The following MXI1 variants were observed in gnomAD, a reference collection of about 807,000 sequenced individuals.
MXI1 encodes the protein MAX interactor 1, dimerization protein.
MXI1 carries 18 observed loss-of-function variants against 36.9 expected under a neutral mutation model. The observed-to-expected ratio is 0.49, with a 90% CI of 0.34 to 0.72. The LOEUF is 0.72. Among genes scored for constraint, MXI1 ranks in the 30% least tolerant of loss-of-function variants. The pLI is 0.01. For synonymous variants in MXI1, 160 were observed against 146.7 expected, an observed-to-expected ratio of 1.09 and a Z score of -0.65; for missense variants, 304 against 379.1, an observed-to-expected ratio of 0.80 and a Z score of 1.64.
intron 1 of MXI1, among the ~76,000 whole-genome samples, chr10:110,219,978 G>A (rs1854758038): frequency 6.6e-6 from 1 of 152,132 alleles, no homozygotes; most frequent in Non-Finnish European, 1.5e-5. Flanking sequence ...CCACTGGAAC[G>A]CCCCCAGTCA....
At chr10:110,273,157 C>T (rs559141311) in intron 3 of MXI1, among the ~76,000 whole-genome samples, 1 of 150,814 alleles carries the variant, frequency 6.6e-6, no homozygotes, top group Non-Finnish European at 1.5e-5. Flanking sequence ...AAGCAACTCT[C>T]CTGCTTCGGC....
chr10:110,224,757 C>T (rs771436782), intron 1 of MXI1, among the ~76,000 whole-genome samples: 16 of 151,762 alleles, frequency 1.1e-4, no homozygotes, highest in Non-Finnish European at 1.8e-4. Context: ...AAGCGATTCT[C>T]GTGCCTCAGC....
intron 1 of MXI1, among the ~76,000 whole-genome samples, chr10:110,212,452 A>G (rs1008545740): frequency 3.9e-5 from 6 of 152,162 alleles, no homozygotes; most frequent in Non-Finnish European, 8.8e-5. Flanking sequence ...GAATGCTTTC[A>G]TTCTCTTACT....
At chr10:110,276,919 C>T (rs1857055214) in intron 3 of MXI1, among the ~76,000 whole-genome samples, 1 of 151,184 alleles carries the variant, frequency 6.6e-6, no homozygotes, top group Non-Finnish European at 1.5e-5. Context: ...CATCTTGGCT[C>T]ACTGCAACCT....
chr10:110,275,193 A>G (rs1249271576), intron 3 of MXI1, among the ~76,000 whole-genome samples: 1 of 152,106 alleles, frequency 6.6e-6, no homozygotes, highest in Non-Finnish European at 1.5e-5. Flanking sequence ...AGGATTTTCA[A>G]ATCAAACCAA....
chr10:110,264,607 G>T (rs1042512928), intron 3 of MXI1, among the ~76,000 whole-genome samples: 1 of 151,726 alleles, frequency 6.6e-6, no homozygotes, highest in Non-Finnish European at 1.5e-5. Flanking sequence ...CTCGTGATCC[G>T]CCTGCCTCAG....
intron 3 of MXI1, among the ~76,000 whole-genome samples, chr10:110,270,942 A>T (rs1472992873): frequency 1.3e-5 from 2 of 152,122 alleles, no homozygotes; most frequent in South Asian, 2.1e-4. Context: ...TAAAATAAAA[A>T]AAAATTAGGC....
intron 3 of MXI1, among the ~76,000 whole-genome samples, chr10:110,255,638 T>C (rs922247059): frequency 6.6e-5 from 10 of 152,164 alleles, no homozygotes; most frequent in Admixed American, 6.6e-5. Flanking sequence ...TGAAAACTAT[T>C]AATACAAAAT....
chr10:110,283,536 C>T (rs1030062602), intron 5 of MXI1, among the ~76,000 whole-genome samples: 9 of 149,618 alleles, frequency 6.0e-5, no homozygotes, highest in East Asian at 2.0e-4. Context: ...AGTGCTTGGC[C>T]GCACCCGGCT....
intron 5 of MXI1, among the ~76,000 whole-genome samples, chr10:110,280,637 G>A (rs1857209672): frequency 6.6e-6 from 1 of 151,126 alleles, no homozygotes; most frequent in South Asian, 2.1e-4. Flanking sequence ...CCGAGATCAT[G>A]CCACTGCGCT....
chr10:110,208,220 C>T (rs2134316916), intron 1 of MXI1, 138 bp downstream of exon 1: 1 of 878,838 alleles, frequency 1.1e-6, no homozygotes, highest in Non-Finnish European at 1.6e-6. Flanking sequence ...AAGCCGATGA[C>T]ACCGGAGAAA....
chr10:110,249,423 AC>A (rs1855990048), intron 3 of MXI1, among the ~76,000 whole-genome samples: 1 of 152,064 alleles, frequency 6.6e-6, no homozygotes, highest in African/African-American at 2.4e-5. Flanking sequence ...TACATTAAAT[AC>A]AAAAATTAGA....
chr10:110,236,723 A>T (rs1855492910), intron 2 of MXI1, among the ~76,000 whole-genome samples: 1 of 152,124 alleles, frequency 6.6e-6, no homozygotes, highest in African/African-American at 2.4e-5. Context: ...TACCTTCCAA[A>T]GTGTTGGGAT....
chr10:110,223,635 A>G (rs1854878110), intron 1 of MXI1, among the ~76,000 whole-genome samples: 2 of 152,120 alleles, frequency 1.3e-5, no homozygotes, highest in African/African-American at 4.8e-5. Flanking sequence ...CAGATGTTCT[A>G]AATGAATGGT....
At chr10:110,281,583 T>G (rs1377232902) in intron 5 of MXI1, among the ~76,000 whole-genome samples, 1 of 152,230 alleles carries the variant, frequency 6.6e-6, no homozygotes, top group African/African-American at 2.4e-5. Context: ...TCAAAAAGAC[T>G]TCTTTGGCAG....
chr10:110,278,271 C>T (rs1008785854), intron 3 of MXI1, among the ~76,000 whole-genome samples: 1 of 152,188 alleles, frequency 6.6e-6, no homozygotes, highest in African/African-American at 2.4e-5. Flanking sequence ...ATGAGGTTCT[C>T]TGCTAGCATT....
chr10:110,283,779 A>ATT (rs60831569), intron 5 of MXI1, among the ~76,000 whole-genome samples: 2 of 147,368 alleles, frequency 1.4e-5, no homozygotes, highest in South Asian at 2.1e-4. Context: ...AACAATTAAG[A>ATT]TTTTTTTTTT....
intron 5 of MXI1, among the ~76,000 whole-genome samples, chr10:110,280,456 A>G (rs901041755): frequency 3.9e-5 from 6 of 151,950 alleles, no homozygotes; most frequent in South Asian, 2.1e-4. Flanking sequence ...CAAGGCGGGC[A>G]GATCACAAGG....
rs188094092 is a variant in MXI1, at chr10:110,226,638, G to C, written c.275-1551G>C. Among the ~76,000 whole-genome samples, 26 of 19,642 alleles carry C rather than the reference G, an allele frequency of 1.3e-3. 1 individual carries two copies. Among genetic ancestry groups the C allele is most frequent in the Non-Finnish European group, 1.6e-3 (14 of 8,502 alleles). 12.9% of individuals were successfully genotyped at this position (19,642 alleles called of 152,430 possible). On this transcript the variant is annotated intron_variant, in intron 1 of 5. Transcript: ENST00000332674. Reference sequence around the variant, plus strand: ...GGAGGGGCGTGTGGGTAGGGGAGCAGGCGTGTAAGGGGGGCGTGTGAGGAG... The same window carrying C: ...GGAGGGGCGTGTGGGTAGGGGAGCACGCGTGTAAGGGGGGCGTGTGAGGAG...
Sources: gnomAD v4.1 joint callset for allele counts (sites outside exome capture counted in the v4.1 genomes callset) on GRCh38, gnomAD v4.1.1 for gene constraint, MANE v1.5 for transcripts, NCBI Gene and HGNC (gene_info 2026-07-23, HGNC 2026-07-21) for gene names.